Variants in CRACD observed in about 807,000 individuals in gnomAD.
The protein encoded by CRACD is capping protein-inhibiting regulator of actin dynamics.
A neutral mutation model predicts 106.8 loss-of-function variants in CRACD; 56 were observed. That is an observed-to-expected ratio of 0.52 (90% confidence interval 0.42 to 0.66). The LOEUF (loss-of-function observed/expected upper bound fraction) is 0.66. Among genes scored for constraint, CRACD ranks in the 30% least tolerant of loss-of-function variants. The pLI, the probability that CRACD is intolerant of heterozygous loss-of-function variation, is 0.00. For missense variants in CRACD, 1,730 were observed against 1,623.2 expected (o/e 1.07, Z -1.13); for synonymous variants, 754 against 670.8 (o/e 1.12, Z -1.92).
chr4:56,226,876 GTC>G (rs71192081), intron 2 of CRACD, among the ~76,000 whole-genome samples: 5 of 145,776 alleles, frequency 3.4e-5, no homozygotes, highest in Non-Finnish European at 4.6e-5. Context: ...CTCTCTCTCT[GTC>G]TCTCTCTCTC....
intron 2 of CRACD, among the ~76,000 whole-genome samples, chr4:56,243,456 A>T (rs957380365): frequency 6.6e-6 from 1 of 152,188 alleles, no homozygotes; most frequent in Non-Finnish European, 1.5e-5. Flanking sequence ...AACTTGTTTG[A>T]GTCACTGTAT....
At chr4:56,155,216 A>G (rs1335758700) in intron 1 of CRACD, among the ~76,000 whole-genome samples, 1 of 152,182 alleles carries the variant, frequency 6.6e-6, no homozygotes, top group East Asian at 1.9e-4. Flanking sequence ...TATTTGGGAC[A>G]TACTATGCTC....
At chr4:56,126,972 C>T (rs1364202764) in intron 1 of CRACD, among the ~76,000 whole-genome samples, 2 of 152,142 alleles carry the variant, frequency 1.3e-5, no homozygotes, top group Non-Finnish European at 1.5e-5. Flanking sequence ...GTTTGTATCC[C>T]TTCCAAAATT....
At chr4:56,066,305 G>T (rs1732465939) in intron 1 of CRACD, among the ~76,000 whole-genome samples, 2 of 152,096 alleles carry the variant, frequency 1.3e-5, no homozygotes, top group African/African-American at 2.4e-5. Flanking sequence ...TCTTTTTAAG[G>T]GTTTTTTGGA....
Position 56,314,944 on chromosome 4 carries a change from A to G in CRACD, c.1442A>G (p.Glu481Gly). The G allele has an allele frequency of 4.4e-6, 7 of 1,597,170 alleles. No individual in the cohort carries two copies. The highest frequency in any genetic ancestry group is 4.5e-5 in the East Asian group (2 of 44,404). ...FQGADRPGPE[E>G]KREEGDTEPL... is the part of the protein sequence containing the mutation. ...GGGGCCGATCGTCCTGGGCCCGAGG[A>G]AAAGAGAGAAGAAGGGGACACGGAG... The change falls in exon 8 of 11, where the codon GAA (glutamate) becomes GGA (glycine). Residue 481 changes from glutamate to glycine, a missense_variant. Glu to Gly is a moderately conservative substitution (Grantham distance 98). This residue lies in a region of CRACD where 1,620 missense variants were observed against 1,481.6 expected (regional missense o/e 1.09). Coordinates refer to ENST00000682029, the MANE Select transcript of CRACD (RefSeq NM_001393381.1). The surrounding 1 kb of genome is among the most constrained non-coding windows in gnomAD (Gnocchi z 4.4).
chr4:56,258,743 A>G (rs1185152840), intron 2 of CRACD, among the ~76,000 whole-genome samples: 2 of 152,232 alleles, frequency 1.3e-5, no homozygotes, highest in Non-Finnish European at 2.9e-5. Flanking sequence ...AAAAATGACC[A>G]GAGGTCAAGT....
rs962282202 is a variant in CRACD at position 56,328,121 on chromosome 4, C to A, written c.*317C>A. On this transcript the variant is annotated 3_prime_UTR_variant, in exon 11 of 11. Coordinates refer to ENST00000682029, the MANE Select transcript of CRACD (RefSeq NM_001393381.1). ...CCATTTCATGGCCTTGCACACACAC[C>A]CACCCACACACCATTCAGAACATGT... The A allele has an allele frequency of 2.7e-6, 1 of 373,088 alleles. No individual in the cohort carries two copies. Among genetic ancestry groups the A allele is most frequent in the South Asian group, 2.4e-5 (1 of 41,832 alleles). 23.1% of individuals were successfully genotyped at this position (373,088 alleles called of 1,614,324 possible).
At chr4:56,126,446 A>G (rs139925594) in intron 1 of CRACD, among the ~76,000 whole-genome samples, 1 of 152,302 alleles carries the variant, frequency 6.6e-6, no homozygotes, top group Admixed American at 6.5e-5. Context: ...AGGCTTGTTG[A>G]AGGTTGAATG....
chr4:56,186,536 G>A (rs576678678), intron 2 of CRACD, among the ~76,000 whole-genome samples: 192 of 152,316 alleles, frequency 1.3e-3, no homozygotes, highest in Non-Finnish European at 2.2e-3. Flanking sequence ...GGATGGGGTA[G>A]GGGCATTTTG....
In CRACD at chr4:56,314,160, G is replaced by A. The variant is rs769092031; in HGVS notation, c.658G>A (p.Glu220Lys). ...EEPNPLDSEE[E>K]RRRQEDYWRE... The stretch of plus-strand genomic sequence containing the variant: ...ACCCAATCCGCTGGATTCCGAGGAA[G>A]AGAGAAGACGCCAAGAAGACTACTG... Residue 220 changes from glutamate to lysine, a missense_variant, in exon 8 of 11, where the codon GAG (glutamate) becomes AAG (lysine). This residue lies in a region of CRACD where 1,620 missense variants were observed against 1,481.6 expected (regional missense o/e 1.09). Coordinates refer to ENST00000682029, the MANE Select transcript of CRACD (RefSeq NM_001393381.1). The surrounding 1 kb of genome is among the most constrained non-coding windows in gnomAD (Gnocchi z 4.4). The A allele has an allele frequency of 1.6e-5, 26 of 1,613,918 alleles. No individual in the cohort carries two copies. The highest frequency in any genetic ancestry group is 5.3e-5 in the African/African-American group (4 of 74,950).
chr4:56,260,142 G>A (rs1741606701), intron 2 of CRACD, among the ~76,000 whole-genome samples: 1 of 152,220 alleles, frequency 6.6e-6, no homozygotes, highest in Non-Finnish European at 1.5e-5. Context: ...ATAGTTATGA[G>A]TGTTTCTTCC....
rs774623917 is a variant in CRACD at position 56,316,415 on chromosome 4, C to T, written c.2913C>T (p.Thr971=). The T allele has an allele frequency of 1.1e-5, 17 of 1,614,020 alleles. No individual in the cohort carries two copies. Among genetic ancestry groups the T allele is most frequent in the African/African-American group, 2.7e-5 (2 of 74,946 alleles). Residue 971 remains threonine, a synonymous_variant, in exon 8 of 11, where the codon ACC becomes ACT. Coordinates refer to ENST00000682029, the MANE Select transcript of CRACD (RefSeq NM_001393381.1). ...TGGCTCCCAAGCCCACCAGTCAGAC[C>T]CCACCAGCATCCCCACTTTCCAAAC... ...PALAPKPTSQ[T]PPASPLSKLS... is the part of the protein sequence containing the mutation.
At chr4:56,220,691 G>A (rs1484165401) in intron 2 of CRACD, among the ~76,000 whole-genome samples, 2 of 151,980 alleles carry the variant, frequency 1.3e-5, no homozygotes, top group South Asian at 2.1e-4. Flanking sequence ...TTGACCATAA[G>A]GCATGATCTT....
chr4:56,261,544 T>A (rs144931507), intron 2 of CRACD, among the ~76,000 whole-genome samples: 211 of 152,028 alleles, frequency 1.4e-3, no homozygotes, highest in Non-Finnish European at 2.6e-3. Flanking sequence ...GAAATGGGGT[T>A]TTACTATGTT....
intron 3 of CRACD, among the ~76,000 whole-genome samples, chr4:56,283,224 A>G (rs1290750863): frequency 2.0e-5 from 3 of 152,176 alleles, no homozygotes; most frequent in African/African-American, 7.2e-5. Context: ...AAAGAAGGGC[A>G]GCCTCCTGGG....
chr4:56,107,113 C>T (rs962861040), intron 1 of CRACD, among the ~76,000 whole-genome samples: 3 of 152,100 alleles, frequency 2.0e-5, no homozygotes, highest in East Asian at 1.9e-4. Context: ...GCTGGGACTA[C>T]GGGCATGTGC....
chr4:56,066,181 A>G (rs1258950272), intron 1 of CRACD, among the ~76,000 whole-genome samples: 11 of 152,188 alleles, frequency 7.2e-5, no homozygotes, highest in Admixed American at 7.2e-4. Context: ...AGGATGCTCT[A>G]CATTGCAGGG....
intron 5 of CRACD, among the ~76,000 whole-genome samples, chr4:56,309,992 C>A (rs1745026475): frequency 6.7e-6 from 1 of 148,422 alleles, no homozygotes; most frequent in Admixed American, 6.8e-5. Context: ...GTACTCCAGC[C>A]TGGGAGACAA....
intron 1 of CRACD, among the ~76,000 whole-genome samples, chr4:56,106,969 A>G (rs1209667136): frequency 6.6e-6 from 1 of 151,994 alleles, no homozygotes; most frequent in African/African-American, 2.4e-5. Context: ...TGAACATAAT[A>G]TTTATTTATT....
Sources: allele counts gnomAD v4.1 joint callset (sites outside exome capture counted in the v4.1 genomes callset), GRCh38; gene constraint gnomAD v4.1.1; regional missense constraint gnomAD v4.1.1; non-coding constraint Gnocchi (gnomAD v3.1); transcripts MANE v1.5; gene names NCBI Gene and HGNC (gene_info 2026-07-23, HGNC 2026-07-21).